The following CASR variants were observed in gnomAD, a reference collection of about 807,000 sequenced individuals.
CASR encodes the protein calcium sensing receptor.
In CASR, 23 loss-of-function variants were observed where a neutral mutation model predicts 69.1. That is an observed-to-expected ratio of 0.33 (90% CI 0.24 to 0.47). CASR has a LOEUF of 0.47. CASR is among the 20% of genes least tolerant of loss of function. The probability of loss-of-function intolerance (pLI) is 1.00; values close to 1 mark genes in which losing one functional copy is unlikely to be tolerated. For missense variants in CASR, 924 were observed against 1,356.1 expected, an observed-to-expected ratio of 0.68 and a Z score of 5.00; for synonymous variants, 541 against 544.7, an observed-to-expected ratio of 0.99 and a Z score of 0.10.
intron 1 of CASR, among the ~76,000 whole-genome samples, chr3:122,235,457 A>T (rs9874845): frequency 0.67 from 101,584 of 152,120 alleles, 34,209 homozygotes; most frequent in Admixed American, 0.78. Context: ...GTTTCATAAG[A>T]TGTTAGCAGT....
intron 1 of CASR, among the ~76,000 whole-genome samples, chr3:122,213,268 A>C (rs753810564): frequency 6.6e-6 from 1 of 152,178 alleles, no homozygotes; most frequent in Non-Finnish European, 1.5e-5. Context: ...AACCTAGTGC[A>C]TTATTGTGCA....
chr3:122,250,230 A>G (rs540909666), intron 1 of CASR, among the ~76,000 whole-genome samples: 48 of 152,196 alleles, frequency 3.2e-4, no homozygotes, highest in South Asian at 2.1e-3. Context: ...GAGGATCTAG[A>G]ATGACCCTCA....
intron 1 of CASR, among the ~76,000 whole-genome samples, chr3:122,213,780 T>C (rs1168697576): frequency 6.6e-6 from 1 of 152,208 alleles, no homozygotes; most frequent in Non-Finnish European, 1.5e-5. Context: ...GAAATCAACA[T>C]CGTTTCAGTG....
At chr3:122,199,995 C>T (rs1020899055) in intron 1 of CASR, among the ~76,000 whole-genome samples, 2 of 152,202 alleles carry the variant, frequency 1.3e-5, no homozygotes, top group Non-Finnish European at 2.9e-5. Flanking sequence ...ACAACCTCCG[C>T]CTCCCCAGTT....
chr3:122,214,581 C>T (rs1044137071), intron 1 of CASR, among the ~76,000 whole-genome samples: 1 of 152,304 alleles, frequency 6.6e-6, no homozygotes, highest in Admixed American at 6.5e-5. Flanking sequence ...CTGAACATAT[C>T]TAAGTCCCAA....
intron 1 of CASR, among the ~76,000 whole-genome samples, chr3:122,218,541 C>CA (rs59428263): frequency 0.51 from 54,025 of 106,082 alleles, 13,600 homozygotes; most frequent in Admixed American, 0.61. Context: ...GACTCTGTCT[C>CA]AAAAAAAAAA....
At chr3:122,233,110 G>A (rs1028530322) in intron 1 of CASR, among the ~76,000 whole-genome samples, 3 of 152,104 alleles carry the variant, frequency 2.0e-5, no homozygotes, top group African/African-American at 7.2e-5. Context: ...TTCTAGACAA[G>A]ATTTATTAAG....
intron 1 of CASR, among the ~76,000 whole-genome samples, chr3:122,223,762 C>G (rs1179018023): frequency 6.6e-6 from 1 of 152,114 alleles, no homozygotes; most frequent in Non-Finnish European, 1.5e-5. Flanking sequence ...AGACAATATT[C>G]CTGATGAACA....
intron 1 of CASR, among the ~76,000 whole-genome samples, chr3:122,217,109 T>A (rs2074124451): frequency 5.3e-5 from 2 of 37,554 alleles, no homozygotes; most frequent in East Asian, 4.6e-4. Context: ...GAAAGTAAAA[T>A]TTTTTTTTTT....
Position 122,259,628 on chromosome 3 carries a change from A to ATTTTTTTT in CASR, c.493-1888_493-1881dup, listed in dbSNP as rs11414721. 9.7e-4 allele frequency among the ~76,000 whole-genome samples: 118 copies of ATTTTTTTT among 122,232 alleles called. 7 individuals are homozygous for ATTTTTTTT. The highest frequency in any genetic ancestry group is 1.4e-3 in the Non-Finnish European group (86 of 61,048). 80.2% of individuals were successfully genotyped at this position (122,232 alleles called of 152,430 possible). A position where few individuals can be genotyped will look rare whatever the true frequency, so the allele number is the denominator to read the frequency against. ...ATCAATAAGAAGAAACACATTGGAA[A>ATTTTTTTT]TTTTTTTTTTTTTTTTTTTGAGATG... On this transcript the variant is annotated intron_variant, in intron 3 of 6. Coordinates refer to ENST00000639785, the MANE Select transcript of CASR (RefSeq NM_000388.4).
chr3:122,246,607 G>A (rs2074430042), intron 1 of CASR: 1 of 152,214 alleles, frequency 6.6e-6, no homozygotes, highest in African/African-American at 2.4e-5. Context: ...CGATGTGCTA[G>A]AACAGGCTTC....
At chr3:122,258,391 T>C (rs2074580348) in intron 3 of CASR, among the ~76,000 whole-genome samples, 1 of 149,540 alleles carries the variant, frequency 6.7e-6, no homozygotes, top group Non-Finnish European at 1.5e-5. Context: ...TGATTGCCAT[T>C]ATCTCTTTAT....
rs2074972480 is a variant in CASR, at chr3:122,286,621, G to A, written c.*1430G>A. On this transcript the variant is annotated 3_prime_UTR_variant, in exon 7 of 7. Coordinates refer to ENST00000639785, the MANE Select transcript of CASR (RefSeq NM_000388.4). Reference sequence around the variant, plus strand: ...CACTCTCTCTGTAATAAGCCCAAGAGCTCTGGGCCCAACACATGGGGTCAG... The same window carrying A: ...CACTCTCTCTGTAATAAGCCCAAGAACTCTGGGCCCAACACATGGGGTCAG... 6.6e-6 allele frequency: 1 copy of A among 152,142 alleles called. No individual in the cohort carries two copies. Among genetic ancestry groups the A allele is most frequent in the Non-Finnish European group, 1.5e-5 (1 of 68,034 alleles). The allele number at this position is 152,142 out of a possible 1,614,324, so 9.4% of individuals were successfully genotyped here. A position where few individuals can be genotyped will look rare whatever the true frequency, so the allele number is the denominator to read the frequency against.
intron 1 of CASR, among the ~76,000 whole-genome samples, chr3:122,215,553 GT>G (rs751188959): frequency 3.9e-5 from 6 of 152,156 alleles, no homozygotes; most frequent in African/African-American, 1.4e-4. Flanking sequence ...AAATTTAAAG[GT>G]TTTTTTAAAA....
Position 122,285,386 on chromosome 3 carries a change from C to G in CASR, c.*195C>G, listed in dbSNP as rs1438268227. On this transcript the variant is annotated 3_prime_UTR_variant, in exon 7 of 7. Transcript: ENST00000639785. ...CCTTTAAAATTAAAAAAAAGAAGAG[C>G]CTTGTGTTTCTGTGGTTGCATTTGT... The G allele has an allele frequency of 5.1e-6, 3 of 583,580 alleles. No individual in the cohort carries two copies. The highest frequency in any genetic ancestry group is 6.0e-5 in the Admixed American group (2 of 33,470). The allele number at this position is 583,580 out of a possible 1,614,324, so 36.2% of individuals were successfully genotyped here. A position where few individuals can be genotyped will look rare whatever the true frequency, so the allele number is the denominator to read the frequency against.
intron 3 of CASR, 26 bp from the exon 4 acceptor site, chr3:122,261,502 T>C (rs1207614626): frequency 1.2e-6 from 2 of 1,611,658 alleles, no homozygotes; most frequent in Non-Finnish European, 1.7e-6. Context: ...CACTCACTCA[T>C]TCACCATGTT....
intron 1 of CASR, among the ~76,000 whole-genome samples, chr3:122,250,347 T>C (rs528838338): frequency 7.9e-5 from 12 of 152,266 alleles, no homozygotes; most frequent in African/African-American, 2.2e-4. Context: ...AATCTCTCCT[T>C]CCTCTATTCC....
intron 1 of CASR, among the ~76,000 whole-genome samples, chr3:122,235,286 A>G (rs2074318515): frequency 6.6e-6 from 1 of 152,240 alleles, no homozygotes; most frequent in African/African-American, 2.4e-5. Context: ...CCACATAGGT[A>G]AATCCCCTGC....
At chr3:122,234,424 G>C (rs995988384) in intron 1 of CASR, among the ~76,000 whole-genome samples, 2 of 152,206 alleles carry the variant, frequency 1.3e-5, no homozygotes, top group African/African-American at 2.4e-5. Context: ...TGAATAAGAA[G>C]AGGAATAATA....
Sources: allele counts gnomAD v4.1 joint callset (sites outside exome capture counted in the v4.1 genomes callset), GRCh38; gene constraint gnomAD v4.1.1; transcripts MANE v1.5; gene names NCBI Gene and HGNC (gene_info 2026-07-23, HGNC 2026-07-21).